Variants in RPF2 observed in about 807,000 individuals in gnomAD.
RPF2 encodes the protein ribosome production factor 2 homolog, also known as brix domain containing 1.
In RPF2, 21 loss-of-function variants were observed where a neutral mutation model predicts 38.9. The observed-to-expected ratio is 0.54, with a 90% CI of 0.38 to 0.78. RPF2 has a LOEUF of 0.78. RPF2 is among the 30% of genes least tolerant of loss of function. The pLI is 0.00. For missense variants in RPF2, 314 were observed against 358.1 expected, an observed-to-expected ratio of 0.88 and a Z score of 0.99; for synonymous variants, 121 against 126.2, an observed-to-expected ratio of 0.96 and a Z score of 0.28.
In RPF2 at chr6:111,012,229, A is replaced by G. The variant is rs1562373731; in HGVS notation, c.494-3525A>G. Among the ~76,000 whole-genome samples, 4 of 143,462 alleles carry G rather than the reference A, an allele frequency of 2.8e-5. No homozygotes were observed. In the South Asian group the frequency reaches 8.8e-4, roughly 32 times the overall value. The allele number at this position is 143,462 out of a possible 152,430, so 94.1% of individuals were successfully genotyped here. A position where few individuals can be genotyped will look rare whatever the true frequency, so the allele number is the denominator to read the frequency against. On this transcript the variant is annotated intron_variant, in intron 7 of 9. Transcript: ENST00000441448. ...GTTGCCCAGGCTGGAGTGCAGTGGCATGATCATGGCTCACTGCTGTAGCCT... is the reference window on the plus strand; with the variant it reads ...GTTGCCCAGGCTGGAGTGCAGTGGCGTGATCATGGCTCACTGCTGTAGCCT...
chr6:110,982,128 G>T lies in RPF2; in HGVS notation c.22G>T (p.Val8Leu), dbSNP rs1562363834. The T allele has an allele frequency of 8.7e-6, 14 of 1,614,224 alleles. No homozygotes were observed. Among genetic ancestry groups the T allele is most frequent in the Non-Finnish European group, 1.2e-5 (14 of 1,180,020 alleles). Residue 8 changes from valine to leucine, a missense_variant and splice_region_variant, in exon 1 of 10, where the codon GTA (valine) becomes TTA (leucine). By Grantham distance (32) the Val-to-Leu change is conservative (BLOSUM62 1). Coordinates refer to ENST00000441448, the MANE Select transcript of RPF2 (RefSeq NM_032194.3). ...AGCGATGGACACTCTGGATCGAGTA[G>T]TGTAAGTGCGCTGGGTCTCAGCCCC... MDTLDRV[V>L]KPKTKRAKRF...
intron 4 of RPF2, among the ~76,000 whole-genome samples, 189 bp from the exon 5 acceptor site, chr6:110,996,994 G>A (rs1337465200): frequency 6.6e-6 from 1 of 152,132 alleles, no homozygotes; most frequent in African/African-American, 2.4e-5. Flanking sequence ...TAGAGATACG[G>A]TCTTACCTTG....
chr6:111,020,332 C>G (rs949330838), intron 8 of RPF2, among the ~76,000 whole-genome samples: 1 of 152,110 alleles, frequency 6.6e-6, no homozygotes, highest in Non-Finnish European at 1.5e-5. Flanking sequence ...TCTCCTGCCT[C>G]GGGTGGGTAT....
chr6:111,021,852 C>T (rs1583276781), intron 8 of RPF2, among the ~76,000 whole-genome samples: 1 of 152,172 alleles, frequency 6.6e-6, no homozygotes, highest in Admixed American at 6.5e-5. Context: ...TATTCACACA[C>T]TTTATTTGTG....
intron 2 of RPF2, among the ~76,000 whole-genome samples, chr6:110,988,581 A>T (rs1463708286): frequency 6.6e-6 from 1 of 152,096 alleles, no homozygotes; most frequent in African/African-American, 2.4e-5. Context: ...GACTGCAGGC[A>T]TGCACCACTA....
intron 8 of RPF2, among the ~76,000 whole-genome samples, chr6:111,022,763 T>G (rs191692745): frequency 5.3e-5 from 8 of 152,358 alleles, no homozygotes; most frequent in African/African-American, 1.9e-4. Flanking sequence ...ATAGTAGTAC[T>G]TGGGTGATTT....
chr6:110,984,577 G>C (rs922121752), intron 1 of RPF2, among the ~76,000 whole-genome samples: 4 of 151,984 alleles, frequency 2.6e-5, no homozygotes, highest in East Asian at 1.9e-4. Context: ...CTTGTGGCTC[G>C]CACCTGTAAT....
chr6:110,998,816 A>C (rs951360972), intron 5 of RPF2, among the ~76,000 whole-genome samples: 21 of 152,024 alleles, frequency 1.4e-4, no homozygotes, highest in Non-Finnish European at 1.5e-5. Flanking sequence ...AATAGATTAC[A>C]CACCTGTAAT....
chr6:111,017,968 C>T (rs1772159029), intron 8 of RPF2, among the ~76,000 whole-genome samples: 1 of 152,076 alleles, frequency 6.6e-6, no homozygotes, highest in Non-Finnish European at 1.5e-5. Flanking sequence ...CCCGGCACCT[C>T]TGGAGGCCGA....
chr6:111,007,248 G>A (rs1771925134), intron 6 of RPF2, among the ~76,000 whole-genome samples: 1 of 152,126 alleles, frequency 6.6e-6, no homozygotes, highest in Non-Finnish European at 1.5e-5. Context: ...GGTTGGTTGT[G>A]TTGTGTTATG....
intron 3 of RPF2, among the ~76,000 whole-genome samples, chr6:110,989,444 G>A (rs1422621532): frequency 6.6e-6 from 1 of 152,016 alleles, no homozygotes; most frequent in Non-Finnish European, 1.5e-5. Context: ...TATTTGATTA[G>A]CACCAGTTTT....
intron 4 of RPF2, among the ~76,000 whole-genome samples, chr6:110,994,909 T>C (rs977626434): frequency 6.6e-6 from 1 of 151,938 alleles, no homozygotes; most frequent in African/African-American, 2.4e-5. Context: ...AAAATAAATA[T>C]ATATATTTTA....
chr6:111,019,582 C>A (rs1315765766), intron 8 of RPF2, among the ~76,000 whole-genome samples: 1 of 151,964 alleles, frequency 6.6e-6, no homozygotes, highest in African/African-American at 2.4e-5. Context: ...ACTAAAAATA[C>A]AAAAATTGGT....
At position 111,028,137 on chromosome 6, in the gene RPF2, TTC is replaced by T. The variant is rs1273209832; in HGVS notation, c.*2557_*2558del. Reference sequence around the variant, plus strand: ...AGCTATTATTTCATGGAATTTGGGTTTCTTTTTTTTTGTTTTTTTAAAATTAA... The same window carrying T: ...AGCTATTATTTCATGGAATTTGGGTTTTTTTTTTTGTTTTTTTAAAATTAA... On this transcript the variant is annotated 3_prime_UTR_variant, in exon 10 of 10. Coordinates refer to ENST00000441448, the MANE Select transcript of RPF2 (RefSeq NM_032194.3). 2.0e-5 allele frequency: 3 copies of T among 152,186 alleles called. No homozygotes were observed. Among genetic ancestry groups the T allele is most frequent in the Non-Finnish European group, 4.4e-5 (3 of 68,036 alleles). 9.4% of individuals were successfully genotyped at this position (152,186 alleles called of 1,614,324 possible).
In RPF2 at chr6:111,025,693, A is replaced by G. The variant is rs1027417238; in HGVS notation, c.*111A>G. ...TCTTATTATATATTTTTATAACATG[A>G]TAATTTTACGATATATTATTATGAA... On this transcript the variant is annotated 3_prime_UTR_variant, in exon 10 of 10. Coordinates refer to ENST00000441448, the MANE Select transcript of RPF2 (RefSeq NM_032194.3). The G allele has an allele frequency of 6.5e-6, 5 of 770,780 alleles. No individual in the cohort carries two copies. The highest frequency in any genetic ancestry group is 4.6e-5 in the South Asian group (2 of 43,496). The allele number at this position is 770,780 out of a possible 1,614,324, so 47.7% of individuals were successfully genotyped here. A position where few individuals can be genotyped will look rare whatever the true frequency, so the allele number is the denominator to read the frequency against.
chr6:110,985,222 C>G (rs572862137), intron 2 of RPF2, 84 bp downstream of exon 2: 3 of 1,181,272 alleles, frequency 2.5e-6, no homozygotes, highest in Non-Finnish European at 3.6e-6. Context: ...CGGAGAAATA[C>G]GTAGATAAGC....
At chr6:110,987,344 C>T (rs1223827692) in intron 2 of RPF2, among the ~76,000 whole-genome samples, 1 of 152,132 alleles carries the variant, frequency 6.6e-6, no homozygotes, top group African/African-American at 2.4e-5. Context: ...CAGGAGTGAG[C>T]CACCATGCCT....
chr6:111,006,096 G>T (rs1244666707), intron 6 of RPF2, among the ~76,000 whole-genome samples: 3 of 151,328 alleles, frequency 2.0e-5, no homozygotes, highest in African/African-American at 4.9e-5. Context: ...GTGAGTCACC[G>T]TGCCCAGCCT....
intron 3 of RPF2, among the ~76,000 whole-genome samples, chr6:110,990,559 A>ACCCCCCCC (rs34703789): frequency 6.5e-5 from 5 of 77,278 alleles, no homozygotes; most frequent in South Asian, 4.3e-4. Flanking sequence ...GCAATTGGGA[A>ACCCCCCCC]CCCCCCCCCC....
Sources: gnomAD v4.1 joint callset for allele counts (sites outside exome capture counted in the v4.1 genomes callset) on GRCh38, gnomAD v4.1.1 for gene constraint, MANE v1.5 for transcripts, NCBI Gene and HGNC (gene_info 2026-07-23, HGNC 2026-07-21) for gene names.